The following GNAO1 variants were observed in gnomAD, a reference collection of about 807,000 sequenced individuals.
GNAO1 encodes G protein subunit alpha o1.
For missense variants in GNAO1, 166 were observed against 478.7 expected (o/e 0.35, Z 6.10); for synonymous variants, 164 against 180.7 (o/e 0.91, Z 0.74).
rs1596881996 is a variant in GNAO1, at chr16:56,351,822, C to A, written c.877+285C>A. The A allele has an allele frequency of 8.0e-6, 3 of 372,816 alleles. No homozygotes were observed. The highest frequency in any genetic ancestry group is 1.5e-5 in the Non-Finnish European group (3 of 202,560). The allele number at this position is 372,816 out of a possible 1,614,324, so 23.1% of individuals were successfully genotyped here. On this transcript the variant is annotated intron_variant, in intron 7 of 8. Coordinates refer to ENST00000262493, the MANE Select transcript of GNAO1 (RefSeq NM_020988.3). The surrounding 1 kb of genome is among the most constrained non-coding windows in gnomAD (Gnocchi z 6.1). Reference sequence around the variant, plus strand: ...GGGGGCAGGACAGGATCACAGGCTTCCCCCTTCCTCCTGGTCACCCTCTAG... The same window carrying A: ...GGGGGCAGGACAGGATCACAGGCTTACCCCTTCCTCCTGGTCACCCTCTAG...
At chr16:56,200,062 A>G (rs1381869471) in intron 2 of GNAO1, among the ~76,000 whole-genome samples, 35 of 152,188 alleles carry the variant, frequency 2.3e-4, no homozygotes, top group Admixed American at 2.2e-3. Context: ...TAGCCAACAG[A>G]TAGGTTTTCT....
intron 3 of GNAO1, among the ~76,000 whole-genome samples, chr16:56,312,256 G>A (rs566966450): frequency 1.0e-3 from 155 of 152,326 alleles, no homozygotes; most frequent in African/African-American, 3.7e-3. Context: ...CTGAGGGACC[G>A]TCAGCAAGTC....
At chr16:56,269,857 A>C (rs1192789448) in intron 2 of GNAO1, among the ~76,000 whole-genome samples, 1 of 152,150 alleles carries the variant, frequency 6.6e-6, no homozygotes, top group African/African-American at 2.4e-5. Flanking sequence ...TATGATTCAG[A>C]GAAGGAGAAT....
chr16:56,241,850 G>A lies in GNAO1; in HGVS notation c.162-34081G>A, dbSNP rs529123547. On this transcript the variant is annotated intron_variant, in intron 2 of 8. Coordinates refer to ENST00000262493, the MANE Select transcript of GNAO1 (RefSeq NM_020988.3). ...CCACTCACAAGGAGGTCCCAGTTAC[G>A]AGCCTGTGGGAGCTGGGCATGAGCA... is the stretch of plus-strand genomic sequence containing the variant. Among the ~76,000 whole-genome samples the A allele has an allele frequency of 1.8e-3, 280 of 152,338 alleles. 3 individuals are homozygous for A. The highest frequency in any genetic ancestry group is 2.0e-3 in the Admixed American group (31 of 15,308).
At chr16:56,352,363 G>A (rs1596882283) in intron 7 of GNAO1, 1 of 152,470 alleles carries the variant, frequency 6.6e-6, no homozygotes, top group East Asian at 1.9e-4. Flanking sequence ...ATGCCTAAAA[G>A]CAGCACTGAT....
rs1186797835 is a variant in GNAO1, at chr16:56,354,477, A to G, written c.878-389A>G. Reference sequence around the variant, plus strand: ...GATCACCTGAGGTCAGGAGTTCGAGACCAACCTGGCCAACATGGTGAAACC... The same window carrying G: ...GATCACCTGAGGTCAGGAGTTCGAGGCCAACCTGGCCAACATGGTGAAACC... On this transcript the variant is annotated intron_variant, in intron 7 of 8. Transcript: ENST00000262493. This position sits in a 1 kb window ranked among gnomAD's most constrained non-coding sequence, Gnocchi z 4.3. 6.6e-6 allele frequency among the ~76,000 whole-genome samples: 1 copy of G among 152,172 alleles called. No homozygotes were observed. The highest frequency in any genetic ancestry group is 2.4e-5 in the African/African-American group (1 of 41,424).
intron 2 of GNAO1, among the ~76,000 whole-genome samples, chr16:56,261,558 C>A (rs2036903599): frequency 6.6e-6 from 1 of 152,184 alleles, no homozygotes; most frequent in African/African-American, 2.4e-5. Flanking sequence ...ATTTTCCAGG[C>A]TGGCTAGGTC....
intron 2 of GNAO1, among the ~76,000 whole-genome samples, chr16:56,209,302 T>A (rs2036362317): frequency 6.6e-6 from 1 of 152,186 alleles, no homozygotes; most frequent in African/African-American, 2.4e-5. Context: ...GTTTCTTAGC[T>A]CATATAGCAT....
intron 6 of GNAO1, chr16:56,345,113 G>A (rs756525661): frequency 3.3e-4 from 329 of 985,556 alleles, no homozygotes; most frequent in Non-Finnish European, 3.7e-4. Context: ...GCTTCACTGC[G>A]GAGATCCCTG....
chr16:56,239,474 G>T (rs927856396), intron 2 of GNAO1, among the ~76,000 whole-genome samples: 8 of 152,122 alleles, frequency 5.3e-5, no homozygotes, highest in Non-Finnish European at 8.8e-5. Flanking sequence ...GGACAGAGAG[G>T]GTTCTAGGGA....
intron 6 of GNAO1, chr16:56,345,372 T>C (rs1366648451): frequency 1.7e-5 from 17 of 985,514 alleles, no homozygotes; most frequent in Non-Finnish European, 2.0e-5. Context: ...CTGCCCCCAC[T>C]CTGGACACTG....
chr16:56,247,238 T>TGTCTCCCTGTC (rs1413622482), intron 2 of GNAO1, among the ~76,000 whole-genome samples: 1 of 152,242 alleles, frequency 6.6e-6, no homozygotes, highest in African/African-American at 2.4e-5. Flanking sequence ...TGTACCCTGC[T>TGTCTCCCTGTC]GTCTCCCTGT....
At chr16:56,263,174 G>T (rs1194087128) in intron 2 of GNAO1, among the ~76,000 whole-genome samples, 1 of 152,210 alleles carries the variant, frequency 6.6e-6, no homozygotes, top group African/African-American at 2.4e-5. Context: ...GGTGGAGATG[G>T]GATTGGCAGC....
Position 56,351,307 on chromosome 16 carries a change from A to C in GNAO1, c.724-77A>C. 1.1e-5 allele frequency: 11 copies of C among 1,005,590 alleles called. No homozygotes were observed. The highest frequency in any genetic ancestry group is 1.7e-5 in the Non-Finnish European group (11 of 657,222). The allele number at this position is 1,005,590 out of a possible 1,614,324, so 62.3% of individuals were successfully genotyped here. On this transcript the variant is annotated intron_variant, in intron 6 of 8. Coordinates refer to ENST00000262493, the MANE Select transcript of GNAO1 (RefSeq NM_020988.3). The surrounding 1 kb of genome is among the most constrained non-coding windows in gnomAD (Gnocchi z 6.1). ...GCCCAGTCCCTCTCTGTCAAGCCTA[A>C]TTCTCTCCTTCTCTTTCCCTGTCTC...
At chr16:56,331,527 G>C (rs2037688265) in intron 4 of GNAO1, among the ~76,000 whole-genome samples, 1 of 151,986 alleles carries the variant, frequency 6.6e-6, no homozygotes. Flanking sequence ...TCCCACTCAG[G>C]GTTCAGGGTT....
chr16:56,278,510 C>T (rs1351646872), intron 3 of GNAO1, among the ~76,000 whole-genome samples: 3 of 152,132 alleles, frequency 2.0e-5, no homozygotes, highest in South Asian at 2.1e-4. Flanking sequence ...GAGTGGAAGC[C>T]ACCACTTGGC....
At position 56,283,987 on chromosome 16, in the gene GNAO1, T is replaced by C. The variant is rs147107791; in HGVS notation, c.303+7915T>C. Among the ~76,000 whole-genome samples the C allele has an allele frequency of 2.4e-3, 362 of 152,348 alleles. 5 individuals carry two copies. Among genetic ancestry groups the C allele is most frequent in the Admixed American group, 0.016 (242 of 15,300 alleles). On this transcript the variant is annotated intron_variant, in intron 3 of 8. Coordinates refer to ENST00000262493, the MANE Select transcript of GNAO1 (RefSeq NM_020988.3). Reference sequence around the variant, plus strand: ...ATGTGGCAGATCCAGGACTAGAGCATTCAGCTTCCTGCATCACAGCTCAGT... The same window carrying C: ...ATGTGGCAGATCCAGGACTAGAGCACTCAGCTTCCTGCATCACAGCTCAGT...
At chr16:56,290,257 G>A (rs2037217004) in intron 3 of GNAO1, among the ~76,000 whole-genome samples, 5 of 152,178 alleles carry the variant, frequency 3.3e-5, no homozygotes. Flanking sequence ...CCCCTGGTAT[G>A]TGTGCTCACC....
Position 56,354,773 on chromosome 16 carries a change from C to A in GNAO1, c.878-93C>A. 1 of 734,208 alleles carries A rather than the reference C, an allele frequency of 1.4e-6. No homozygotes were observed. 45.5% of individuals were successfully genotyped at this position (734,208 alleles called of 1,614,324 possible). A position where few individuals can be genotyped will look rare whatever the true frequency, so the allele number is the denominator to read the frequency against. ...CTGTCTCATCCCACTTCCTGGGACA[C>A]GCCACAACCCACTTCTTGTCTTCAT... is the stretch of plus-strand genomic sequence containing the variant. On this transcript the variant is annotated intron_variant, in intron 7 of 8. Coordinates refer to ENST00000262493, the MANE Select transcript of GNAO1 (RefSeq NM_020988.3). The surrounding 1 kb of genome is among the most constrained non-coding windows in gnomAD (Gnocchi z 4.3).
Sources: gnomAD v4.1 joint callset for allele counts (sites outside exome capture counted in the v4.1 genomes callset) on GRCh38, gnomAD v4.1.1 for gene constraint, Gnocchi (gnomAD v3.1) non-coding constraint, MANE v1.5 for transcripts, NCBI Gene and HGNC (gene_info 2026-07-23, HGNC 2026-07-21) for gene names.